The following TCF20 variants were observed in gnomAD, a reference collection of about 807,000 sequenced individuals.
TCF20 encodes SPRE-binding protein.
A neutral mutation model predicts 148.6 loss-of-function variants in TCF20; 3 were observed. That is an observed-to-expected ratio of 0.02 (90% CI 0.01 to 0.05). The LOEUF is 0.05. TCF20 is among the 10% of genes least tolerant of loss of function. The probability of loss-of-function intolerance (pLI) is 1.00; values close to 1 mark genes in which losing one functional copy is unlikely to be tolerated. For missense variants in TCF20, 2,350 were observed against 2,429.3 expected (o/e 0.97, Z 0.69); for synonymous variants, 1,049 against 909.5 (o/e 1.15, Z -2.76).
chr22:42,212,487 G>C lies in TCF20; in HGVS notation c.2819C>G (p.Ala940Gly), dbSNP rs1185656171. 6.2e-7 allele frequency: 1 copy of C among 1,614,074 alleles called. No individual in the cohort carries two copies. Among genetic ancestry groups the C allele is most frequent in the Non-Finnish European group, 8.5e-7 (1 of 1,180,048 alleles). The change falls in exon 2 of 6, where the codon GCT becomes GGT. Residue 940 changes from alanine to glycine, a missense_variant. Physicochemically the swap from Ala to Gly is moderately conservative, Grantham distance 60. Coordinates refer to ENST00000677622, the MANE Select transcript of TCF20 (RefSeq NM_001378418.1). The stretch of plus-strand genomic sequence containing the variant: ...TCCAGATTTCTTGTTGTTGAAACTA[G>C]CTTGAGATTTAGACTGTTCAAAGTC... ...EEDFEQSKSQASFNNKKSGDH... is the reference protein window; with the variant it reads ...EEDFEQSKSQGSFNNKKSGDH...
intron 2 of TCF20, among the ~76,000 whole-genome samples, chr22:42,196,757 G>A (rs1368145543): frequency 7.5e-6 from 1 of 132,752 alleles, no homozygotes. Context: ...TGCTCCGTGA[G>A]AAACACATAA....
intron 1 of TCF20, among the ~76,000 whole-genome samples, chr22:42,217,181 C>T (rs1299671429): frequency 1.3e-5 from 2 of 152,160 alleles, no homozygotes; most frequent in Non-Finnish European, 1.5e-5. Flanking sequence ...CCTGCTCCCA[C>T]CCCCTTGACC....
Position 42,279,504 on chromosome 22 carries a change from A to G in TCF20, c.-37+4323T>C, listed in dbSNP as rs1245964029. ...AATAAAATAAAATAAGGAAGGACAG[A>G]GGGCAATGTGACCTTCGGCAAGCTC... On this transcript the variant is annotated intron_variant, in intron 1 of 5. Coordinates refer to the TCF20 transcript ENST00000359486. The surrounding 1 kb of genome is among the most constrained non-coding windows in gnomAD (Gnocchi z 4.3). Among the ~76,000 whole-genome samples the G allele has an allele frequency of 6.6e-6, 1 of 152,188 alleles. No individual in the cohort carries two copies. The highest frequency in any genetic ancestry group is 1.5e-5 in the Non-Finnish European group (1 of 68,030).
intron 2 of TCF20, among the ~76,000 whole-genome samples, chr22:42,208,801 G>T (rs1437305688): frequency 6.6e-6 from 1 of 151,740 alleles, no homozygotes; most frequent in Non-Finnish European, 1.5e-5. Flanking sequence ...ATAGAGGGAA[G>T]GAAATTTTCA....
intron 1 of TCF20, among the ~76,000 whole-genome samples, chr22:42,316,081 C>T (rs13057295): frequency 7.6e-6 from 1 of 131,266 alleles, no homozygotes; most frequent in Admixed American, 8.9e-5. Flanking sequence ...GCACTCCAGT[C>T]TGAGTGACAG....
At chr22:42,332,454 C>T (rs1201853245) in intron 1 of TCF20, among the ~76,000 whole-genome samples, 1 of 152,104 alleles carries the variant, frequency 6.6e-6, no homozygotes, top group African/African-American at 2.4e-5. Flanking sequence ...CTGGGTTCGA[C>T]GGGGAGAGTG....
At chr22:42,324,121 G>A (rs1601707027) in intron 1 of TCF20, among the ~76,000 whole-genome samples, 2 of 64,898 alleles carry the variant, frequency 3.1e-5, no homozygotes, top group African/African-American at 8.0e-5. Context: ...GGTGGTGGTG[G>A]TTATGGTGGT....
In TCF20 at chr22:42,211,679, T is replaced by C; in HGVS notation, c.3627A>G (p.Gln1209=). The C allele has an allele frequency of 6.2e-7, 1 of 1,614,224 alleles. No individual in the cohort carries two copies. ...KSSGPPGMSS[Q]KRYGPPHETD... ...TCTCATGGGGCGGCCCATACCTTTT[T>C]TGACTGGACATTCCTGGAGGACCGC... Residue 1209 remains glutamine, a synonymous_variant, in exon 2 of 6, where the codon CAA becomes CAG. Transcript: ENST00000677622.
intron 1 of TCF20, among the ~76,000 whole-genome samples, chr22:42,263,131 AG>A (rs1407529782): frequency 6.6e-6 from 1 of 152,218 alleles, no homozygotes; most frequent in Non-Finnish European, 1.5e-5. Context: ...ACTACAGCTC[AG>A]GCAAAATGCC....
upstream of TCF20, among the ~76,000 whole-genome samples, chr22:42,286,625 T>C (rs1239056450): frequency 6.6e-6 from 1 of 152,178 alleles, no homozygotes; most frequent in Non-Finnish European, 1.5e-5. Flanking sequence ...GAGCAAGGTG[T>C]CCAGAGGACA....
chr22:42,223,748 C>CTG (rs1227144721), intron 1 of TCF20, among the ~76,000 whole-genome samples: 1 of 152,186 alleles, frequency 6.6e-6, no homozygotes, highest in South Asian at 2.1e-4. Context: ...CTAGATATAT[C>CTG]TGTAACACCT....
chr22:42,205,918 C>T (rs1041978487), intron 2 of TCF20, among the ~76,000 whole-genome samples: 9 of 152,230 alleles, frequency 5.9e-5, no homozygotes, highest in African/African-American at 1.9e-4. Context: ...ATTACAGGTG[C>T]CTGTCACCAT....
intron 1 of TCF20, among the ~76,000 whole-genome samples, chr22:42,256,005 G>C (rs1156391969): frequency 1.3e-5 from 2 of 151,992 alleles, no homozygotes; most frequent in African/African-American, 4.8e-5. Context: ...TTTGAGCCTT[G>C]GTTCCCAAAA....
Position 42,301,063 on chromosome 22 carries a change from T to C in TCF20, c.-37+42416A>G, listed in dbSNP as rs73433540. ...GGGGAGTCTCCCCAAAGGAAGGTCC[T>C]AGGGCAGAGCATGGCATCTGCACTT... On this transcript the variant is annotated intron_variant, in intron 1 of 1. Coordinates refer to the TCF20 transcript ENST00000515426. Among the ~76,000 whole-genome samples the C allele has an allele frequency of 1.2e-3, 186 of 152,194 alleles. 1 individual carries two copies. The highest frequency in any genetic ancestry group is 3.8e-3 in the African/African-American group (159 of 41,546).
intron 5 of TCF20, among the ~76,000 whole-genome samples, chr22:42,163,257 C>T (rs1388174476): frequency 2.6e-5 from 4 of 152,176 alleles, no homozygotes; most frequent in East Asian, 1.9e-4. Context: ...GTTGGCTCTG[C>T]GAGCTGCTAC....
intron 2 of TCF20, among the ~76,000 whole-genome samples, chr22:42,204,522 T>G: frequency 6.6e-6 from 1 of 151,204 alleles, no homozygotes; most frequent in East Asian, 2.0e-4. Context: ...AAACCCTAAA[T>G]ATAATCTTTA....
At chr22:42,231,703 G>A (rs1923417579) in intron 1 of TCF20, among the ~76,000 whole-genome samples, 1 of 152,114 alleles carries the variant, frequency 6.6e-6, no homozygotes, top group Non-Finnish European at 1.5e-5. Context: ...GCCCAGGCGG[G>A]TGGATCACAA....
chr22:42,177,274 G>A (rs1362809484), intron 3 of TCF20, among the ~76,000 whole-genome samples: 1 of 152,136 alleles, frequency 6.6e-6, no homozygotes, highest in East Asian at 1.9e-4. Flanking sequence ...AATTAGCCGG[G>A]CATGGTGGTG....
At chr22:42,202,445 T>G (rs1346604336) in intron 2 of TCF20, among the ~76,000 whole-genome samples, 3 of 152,226 alleles carry the variant, frequency 2.0e-5, no homozygotes, top group Non-Finnish European at 2.9e-5. Context: ...TTAAGTGACT[T>G]GAGCTAGTGA....
Sources: gnomAD v4.1 joint callset for allele counts (sites outside exome capture counted in the v4.1 genomes callset) on GRCh38, gnomAD v4.1.1 for gene constraint, Gnocchi (gnomAD v3.1) non-coding constraint, MANE v1.5 for transcripts, NCBI Gene and HGNC (gene_info 2026-07-23, HGNC 2026-07-21) for gene names.